Variants in HTR4 observed in about 807,000 individuals in gnomAD.
HTR4 encodes the protein 5-hydroxytryptamine (serotonin) receptor 4, G protein-coupled.
Under a neutral mutation model 36.8 loss-of-function variants are expected in HTR4, and 16 were observed. The ratio of observed to expected loss-of-function variants is 0.43; its 90% CI spans 0.29 to 0.66. The LOEUF (loss-of-function observed/expected upper bound fraction) is 0.66. Ranked by LOEUF, HTR4 falls within the 30% of genes least tolerant of loss-of-function variation. HTR4 has a pLI of 0.13. For missense variants in HTR4, 438 were observed against 490.9 expected (o/e 0.89, Z 1.02); for synonymous variants, 189 against 185.1 (o/e 1.02, Z -0.17).
intron 6 of HTR4, among the ~76,000 whole-genome samples, chr5:148,489,084 G>A (rs571805987): frequency 1.3e-5 from 2 of 152,216 alleles, no homozygotes; most frequent in South Asian, 2.1e-4. Flanking sequence ...TTTTTCTATA[G>A]TATTCCAATA....
At chr5:148,501,059 C>T (rs902877355) in intron 6 of HTR4, among the ~76,000 whole-genome samples, 3 of 152,056 alleles carry the variant, frequency 2.0e-5, no homozygotes, top group Non-Finnish European at 4.4e-5. Flanking sequence ...GCATTACAAA[C>T]AGTACAGTTT....
intron 2 of HTR4, among the ~76,000 whole-genome samples, chr5:148,583,068 G>T (rs1252570620): frequency 1.3e-5 from 2 of 151,124 alleles, no homozygotes; most frequent in African/African-American, 2.4e-5. Context: ...ATTGGCTGTG[G>T]GTTTGTCATA....
intron 1 of HTR4, among the ~76,000 whole-genome samples, chr5:148,640,307 T>C (rs543213863): frequency 1.3e-5 from 2 of 152,298 alleles, no homozygotes; most frequent in East Asian, 3.9e-4. Flanking sequence ...CCTCTTCCCT[T>C]CTCCAATCCC....
chr5:148,451,507 G>A (rs932500933), intron 5 of HTR4, among the ~76,000 whole-genome samples: 1 of 152,114 alleles, frequency 6.6e-6, no homozygotes, highest in Non-Finnish European at 1.5e-5. Context: ...AGGCCTAGGA[G>A]TGCATAGGGG....
rs181844641 is a variant in HTR4 at position 148,544,483 on chromosome 5, G to A, written c.353+4185C>T. 3.9e-5 allele frequency among the ~76,000 whole-genome samples: 6 copies of A among 151,916 alleles called. No homozygotes were observed. The South Asian group carries it at 6.2e-4, about 16-fold the overall frequency. On this transcript the variant is annotated intron_variant, in intron 4 of 6. Transcript: ENST00000377888. Reference sequence around the variant, plus strand: ...GTGATATATTTCTAGGACAACACACGTCATTATTTCTCATGGTTTTCAATG... The same window carrying A: ...GTGATATATTTCTAGGACAACACACATCATTATTTCTCATGGTTTTCAATG...
rs77035943 is a variant in HTR4, at chr5:148,512,107, T to A, written c.508-2083A>T. Among the ~76,000 whole-genome samples the A allele has an allele frequency of 4.2e-3, 641 of 152,324 alleles. 6 individuals carry two copies. The highest frequency in any genetic ancestry group is 0.015 in the African/African-American group (608 of 41,568). On this transcript the variant is annotated intron_variant, in intron 5 of 6. Coordinates refer to ENST00000377888, the MANE Select transcript of HTR4 (RefSeq NM_000870.7). ...TGGGACGAGAGCATTGCCTTCAGAA[T>A]GGTAAAATATTGCCTAGATCTTGTC...
At chr5:148,488,693 G>A (rs116632464) in intron 6 of HTR4, among the ~76,000 whole-genome samples, 2,251 of 152,292 alleles carry the variant, frequency 0.015, 33 homozygotes, top group South Asian at 0.054. Flanking sequence ...TCTTGGCAAG[G>A]ACATAAAGCA....
intron 2 of HTR4, among the ~76,000 whole-genome samples, chr5:148,631,796 T>C (rs921541314): frequency 6.6e-6 from 1 of 152,168 alleles, no homozygotes; most frequent in African/African-American, 2.4e-5. Flanking sequence ...TTAAGGCAAC[T>C]AGGTAATTAA....
chr5:148,568,267 A>AT (rs1561624664), intron 2 of HTR4, among the ~76,000 whole-genome samples: 1 of 152,080 alleles, frequency 6.6e-6, no homozygotes, highest in Non-Finnish European at 1.5e-5. Flanking sequence ...ACTAATCCCC[A>AT]TTTTTTGTTC....
chr5:148,539,175 C>T (rs1399809329), intron 4 of HTR4, among the ~76,000 whole-genome samples: 2 of 152,126 alleles, frequency 1.3e-5, no homozygotes, highest in Non-Finnish European at 2.9e-5. Flanking sequence ...TAGCCATATG[C>T]AGATGATTGA....
chr5:148,498,212 C>T (rs1189302877), intron 6 of HTR4, among the ~76,000 whole-genome samples: 1 of 152,256 alleles, frequency 6.6e-6, no homozygotes, highest in East Asian at 1.9e-4. Flanking sequence ...TGATTCTAAA[C>T]CATTGAGGCC....
intron 6 of HTR4, among the ~76,000 whole-genome samples, chr5:148,486,368 A>T (rs1756161493): frequency 3.3e-5 from 5 of 152,294 alleles, no homozygotes; most frequent in Admixed American, 1.3e-4. Flanking sequence ...TTTAACACTC[A>T]GGAAGCCCCT....
rs529668445 is a variant in HTR4, at chr5:148,511,619, T to TTGTGTGTGTGTGTGTGTG, written c.508-1613_508-1596dup. Among the ~76,000 whole-genome samples, 30 of 139,346 alleles carry TTGTGTGTGTGTGTGTGTG rather than the reference T, an allele frequency of 2.2e-4. No individual in the cohort carries two copies. In the East Asian group the frequency reaches 2.3e-3, roughly 11 times the overall value. The allele number at this position is 139,346 out of a possible 152,430, so 91.4% of individuals were successfully genotyped here. On this transcript the variant is annotated intron_variant, in intron 5 of 6. Transcript: ENST00000377888. ...CTGTTATGAATATTCTTGTGGAAGT[T>TTGTGTGTGTGTGTGTGTG]TGTGTGTGTGTGTGTGTGTGTGTGT...
At chr5:148,466,470 A>G (rs1468821604) in intron 5 of HTR4, among the ~76,000 whole-genome samples, 1 of 152,164 alleles carries the variant, frequency 6.6e-6, no homozygotes, top group East Asian at 1.9e-4. Flanking sequence ...ACGTTTTCAG[A>G]TAAATTACAG....
At chr5:148,593,010 T>C (rs759268379) in intron 2 of HTR4, among the ~76,000 whole-genome samples, 1 of 152,226 alleles carries the variant, frequency 6.6e-6, no homozygotes, top group Non-Finnish European at 1.5e-5. Context: ...GGCTGTCTTA[T>C]GGTTTCAATT....
At chr5:148,537,054 C>A (rs188617202) in intron 4 of HTR4, among the ~76,000 whole-genome samples, 18 of 152,168 alleles carry the variant, frequency 1.2e-4, no homozygotes, top group Non-Finnish European at 2.2e-4. Flanking sequence ...GACCACGATG[C>A]AATAAAAACA....
At chr5:148,622,834 C>A (rs1043501930) in intron 2 of HTR4, among the ~76,000 whole-genome samples, 22 of 152,146 alleles carry the variant, frequency 1.4e-4, no homozygotes, top group African/African-American at 5.3e-4. Flanking sequence ...GAATTGTTAT[C>A]TCACACTCCT....
rs555178188 is a variant in HTR4, at chr5:148,512,072, G to A, written c.508-2048C>T. Among the ~76,000 whole-genome samples the A allele has an allele frequency of 5.3e-5, 8 of 152,244 alleles. No individual in the cohort carries two copies. In the South Asian group the frequency reaches 1.7e-3, roughly 32 times the overall value. ...CATCTGTTTCCTGATTAGCACTCTG[G>A]TTCCTTCAATGGGACGAGAGCATTG... On this transcript the variant is annotated intron_variant, in intron 5 of 6. Transcript: ENST00000377888.
At chr5:148,651,339 G>T (rs762606975) in intron 1 of HTR4, among the ~76,000 whole-genome samples, 1 of 152,084 alleles carries the variant, frequency 6.6e-6, no homozygotes, top group Non-Finnish European at 1.5e-5. Flanking sequence ...AAGTTGGAAG[G>T]GGGTGGGAAG....
Sources: gnomAD v4.1 joint callset for allele counts (sites outside exome capture counted in the v4.1 genomes callset) on GRCh38, gnomAD v4.1.1 for gene constraint, MANE v1.5 for transcripts, NCBI Gene and HGNC (gene_info 2026-07-23, HGNC 2026-07-21) for gene names.